The following DAB1 variants were observed in gnomAD, a reference collection of about 807,000 sequenced individuals.
DAB1 encodes DAB adaptor protein 1, also known as disabled homolog 1.
DAB1 carries 15 observed loss-of-function variants against 64.6 expected under a neutral mutation model. That is an observed-to-expected ratio of 0.23 (90% CI 0.16 to 0.36). The LOEUF is 0.36. Ranked by LOEUF, DAB1 falls within the 10% of genes least tolerant of loss-of-function variation. The pLI, the probability that DAB1 is intolerant of heterozygous loss-of-function variation, is 1.00. For synonymous variants in DAB1, 235 were observed against 251.9 expected (o/e 0.93, Z 0.64); for missense variants, 596 against 706.7 (o/e 0.84, Z 1.78).
chr1:57,369,581 C>T (rs1253689569), intron 1 of DAB1, among the ~76,000 whole-genome samples: 1 of 152,080 alleles, frequency 6.6e-6, no homozygotes, highest in Non-Finnish European at 1.5e-5. Flanking sequence ...AAACAACTAA[C>T]ATTCTTGTAA....
chr1:57,290,685 A>T (rs573485764), intron 2 of DAB1, among the ~76,000 whole-genome samples: 2 of 152,322 alleles, frequency 1.3e-5, no homozygotes, highest in South Asian at 4.1e-4. Flanking sequence ...AATACGAAAC[A>T]CACAAAATTA....
intron 7 of DAB1, among the ~76,000 whole-genome samples, chr1:57,641,378 G>GTTTTTTTTTTTTTTTTT (rs1491296848): frequency 1.8e-5 from 2 of 109,804 alleles, no homozygotes; most frequent in African/African-American, 3.3e-5. Context: ...TTTTTTTGTT[G>GTTTTTTTTTTTTTTTTT]GTTTTTTTTT....
At chr1:57,017,658 C>A (rs540098130) in intron 11 of DAB1, among the ~76,000 whole-genome samples, 1 of 152,120 alleles carries the variant, frequency 6.6e-6, no homozygotes, top group African/African-American at 2.4e-5. Context: ...AACACTTCTG[C>A]GGAATAAAAC....
intron 1 of DAB1, among the ~76,000 whole-genome samples, chr1:57,379,230 C>CT (rs1477646616): frequency 1.3e-5 from 2 of 152,064 alleles, no homozygotes; most frequent in African/African-American, 4.8e-5. Context: ...TCACATAGGT[C>CT]TCCACTGCTT....
rs1570278440 is a variant in DAB1, at chr1:58,049,742, T to C, written n.387+100769A>G. ...AGAAATGATACCTCACATTGCAGGA[T>C]AGTTTTAGTATTACATGATCACTAT... On this transcript the variant is annotated intron_variant and non_coding_transcript_variant, in intron 5 of 20. Coordinates refer to the DAB1 transcript ENST00000485760. Among the ~76,000 whole-genome samples, 7 of 152,306 alleles carry C rather than the reference T, an allele frequency of 4.6e-5. No homozygotes were observed. In the South Asian group the frequency reaches 1.5e-3, roughly 32 times the overall value.
At chr1:57,394,511 A>T (rs1278362434) in intron 1 of DAB1, among the ~76,000 whole-genome samples, 1 of 152,246 alleles carries the variant, frequency 6.6e-6, no homozygotes, top group East Asian at 1.9e-4. Context: ...AATAAGCTGT[A>T]TGCACCACAT....
intron 6 of DAB1, among the ~76,000 whole-genome samples, chr1:57,782,255 C>A (rs1281333844): frequency 6.6e-6 from 1 of 152,154 alleles, no homozygotes. Flanking sequence ...AAATCCAAAT[C>A]ATTAAGTTCC....
At chr1:58,035,828 G>A (rs1003192516) in intron 5 of DAB1, among the ~76,000 whole-genome samples, 1 of 152,182 alleles carries the variant, frequency 6.6e-6, no homozygotes, top group Non-Finnish European at 1.5e-5. Flanking sequence ...TATTCTCCAG[G>A]AGCCTAAGGA....
chr1:57,291,265 T>C (rs1055095801), intron 1 of DAB1, 99 bp from the exon 2 acceptor site: 13 of 362,226 alleles, frequency 3.6e-5, no homozygotes, highest in African/African-American at 2.7e-4. Flanking sequence ...AAACAAAATC[T>C]TGGTCTTTAT....
intron 2 of DAB1, among the ~76,000 whole-genome samples, chr1:57,198,727 C>T (rs1307898982): frequency 6.6e-6 from 1 of 150,854 alleles, no homozygotes; most frequent in South Asian, 2.1e-4. Context: ...AAAAGGTTTC[C>T]AGAGGAAGTG....
At chr1:58,330,190 G>A (rs560759799) in intron 4 of DAB1, among the ~76,000 whole-genome samples, 1 of 152,180 alleles carries the variant, frequency 6.6e-6, no homozygotes, top group South Asian at 2.1e-4. Flanking sequence ...TCCTGATATA[G>A]AGAAAGTTTT....
chr1:57,493,195 T>G (rs1185157091), intron 7 of DAB1, among the ~76,000 whole-genome samples: 1 of 152,056 alleles, frequency 6.6e-6, no homozygotes, highest in African/African-American at 2.4e-5. Context: ...ATTTTAAGTT[T>G]ACAGTTCAGT....
At chr1:57,177,831 G>GATCT (rs1345288140) in intron 2 of DAB1, among the ~76,000 whole-genome samples, 1 of 152,060 alleles carries the variant, frequency 6.6e-6, no homozygotes, top group Non-Finnish European at 1.5e-5. Flanking sequence ...AGCTATATCA[G>GATCT]ATCTTTGGAT....
chr1:57,368,762 A>G (rs1680264468), intron 1 of DAB1, among the ~76,000 whole-genome samples: 1 of 152,122 alleles, frequency 6.6e-6, no homozygotes, highest in Non-Finnish European at 1.5e-5. Context: ...TCCTAGACAC[A>G]GGACAAGAAC....
At chr1:57,965,333 A>T (rs1645637757) in intron 5 of DAB1, among the ~76,000 whole-genome samples, 1 of 152,220 alleles carries the variant, frequency 6.6e-6, no homozygotes. Flanking sequence ...ATTACCAAGA[A>T]TATGGCATCA....
intron 6 of DAB1, among the ~76,000 whole-genome samples, chr1:57,766,290 A>G (rs12731217): frequency 2.6e-5 from 4 of 151,238 alleles, no homozygotes; most frequent in Non-Finnish European, 5.9e-5. Flanking sequence ...AACCCAAAAA[A>G]CAAAAAACTT....
chr1:58,198,623 T>C (rs771265074), intron 4 of DAB1, among the ~76,000 whole-genome samples: 1 of 152,230 alleles, frequency 6.6e-6, no homozygotes, highest in Non-Finnish European at 1.5e-5. Context: ...TCTGATAGAA[T>C]TGATTCAGAT....
chr1:58,077,810 T>G (rs1649748265), intron 5 of DAB1, among the ~76,000 whole-genome samples: 1 of 152,176 alleles, frequency 6.6e-6, no homozygotes, highest in South Asian at 2.1e-4. Flanking sequence ...CACTTGGTCT[T>G]TCAGTGCCCA....
intron 9 of DAB1, among the ~76,000 whole-genome samples, chr1:57,030,774 T>C (rs938132532): frequency 6.6e-6 from 1 of 152,214 alleles, no homozygotes; most frequent in Non-Finnish European, 1.5e-5. Flanking sequence ...TTAGCAATAT[T>C]TGATATTATT....
Sources: allele counts gnomAD v4.1 joint callset (sites outside exome capture counted in the v4.1 genomes callset), GRCh38; gene constraint gnomAD v4.1.1; transcripts MANE v1.5; gene names NCBI Gene and HGNC (gene_info 2026-07-23, HGNC 2026-07-21).